The following OTUD7A variants were observed in gnomAD, a reference collection of about 807,000 sequenced individuals.
OTUD7A encodes OTU deubiquitinase 7A, also known as OTU domain-containing protein 7A.
OTUD7A carries 12 observed loss-of-function variants against 65.7 expected under a neutral mutation model. The observed-to-expected ratio is 0.18, with a 90% CI of 0.12 to 0.30. The LOEUF (loss-of-function observed/expected upper bound fraction) is 0.30, where lower values mean the gene tolerates loss of function less well. Among genes scored for constraint, OTUD7A ranks in the 10% least tolerant of loss-of-function variants. The pLI, the probability that OTUD7A is intolerant of heterozygous loss-of-function variation, is 1.00. For missense variants in OTUD7A, 1,148 were observed against 1,304.8 expected, an observed-to-expected ratio of 0.88 and a Z score of 1.85; for synonymous variants, 641 against 586.3, an observed-to-expected ratio of 1.09 and a Z score of -1.35.
At position 31,511,141 on chromosome 15, in the gene OTUD7A, T is replaced by C. The variant is rs188146367; in HGVS notation, c.894-7323A>G. 5.7e-3 allele frequency among the ~76,000 whole-genome samples: 114 copies of C among 20,018 alleles called. 30 individuals carry two copies. The highest frequency in any genetic ancestry group is 0.013 in the South Asian group (13 of 1,028). The allele number at this position is 20,018 out of a possible 152,430, so 13.1% of individuals were successfully genotyped here. On this transcript the variant is annotated intron_variant, in intron 8 of 12. Coordinates refer to ENST00000307050, the MANE Select transcript of OTUD7A (RefSeq NM_001382637.1). ...TACATATGTATATCTATATGTAACA[T>C]ACATATGTATATCTATATGTAACAT...
At chr15:31,647,415 C>T (rs1046526510) in intron 3 of OTUD7A, among the ~76,000 whole-genome samples, 1 of 152,346 alleles carries the variant, frequency 6.6e-6, no homozygotes, top group South Asian at 2.1e-4. Flanking sequence ...CAACCAAACA[C>T]AAGCTGCAGC....
chr15:31,770,753 T>C (rs763563826), intron 1 of OTUD7A, among the ~76,000 whole-genome samples: 3 of 152,216 alleles, frequency 2.0e-5, no homozygotes, highest in Non-Finnish European at 2.9e-5. Context: ...TGGTTTATCA[T>C]TAGAAAATAA....
intron 5 of OTUD7A, among the ~76,000 whole-genome samples, chr15:31,545,057 A>G (rs1333400662): frequency 6.6e-6 from 1 of 152,088 alleles, no homozygotes; most frequent in Non-Finnish European, 1.5e-5. Flanking sequence ...AGGAAAAATT[A>G]TAATAAGTAT....
chr15:31,786,987 A>G (rs1288811599), intron 1 of OTUD7A, among the ~76,000 whole-genome samples: 1 of 152,176 alleles, frequency 6.6e-6, no homozygotes, highest in Non-Finnish European at 1.5e-5. Context: ...AGCTCTAGGT[A>G]TGTTTTGGGC....
chr15:31,596,441 C>T (rs549417357), intron 3 of OTUD7A, among the ~76,000 whole-genome samples: 3 of 152,308 alleles, frequency 2.0e-5, no homozygotes, highest in South Asian at 4.1e-4. Flanking sequence ...AAAGCTGCTA[C>T]GAACATTCCA....
intron 1 of OTUD7A, among the ~76,000 whole-genome samples, chr15:31,798,009 G>A (rs546504423): frequency 7.2e-5 from 11 of 152,196 alleles, no homozygotes; most frequent in East Asian, 1.9e-4. Context: ...TTTTCACTGC[G>A]TCTTCACATG....
At chr15:31,527,907 C>A (rs2042035858) in intron 6 of OTUD7A, among the ~76,000 whole-genome samples, 1 of 152,242 alleles carries the variant, frequency 6.6e-6, no homozygotes, top group Non-Finnish European at 1.5e-5. Context: ...CCAGCCATCT[C>A]TGAGAATGTG....
At chr15:31,695,809 G>C (rs1893066905) in intron 1 of OTUD7A, among the ~76,000 whole-genome samples, 1 of 150,686 alleles carries the variant, frequency 6.6e-6, no homozygotes, top group Non-Finnish European at 1.5e-5. Flanking sequence ...GGAGATACTT[G>C]GCTTGGGCCT....
chr15:31,491,795 A>G (rs2041320049), intron 10 of OTUD7A, among the ~76,000 whole-genome samples: 1 of 152,214 alleles, frequency 6.6e-6, no homozygotes, highest in Non-Finnish European at 1.5e-5. Context: ...AGAAAAACAA[A>G]GGTACAAATT....
chr15:31,772,245 C>T (rs1895257717), intron 1 of OTUD7A, among the ~76,000 whole-genome samples: 1 of 140,936 alleles, frequency 7.1e-6, no homozygotes, highest in Non-Finnish European at 1.5e-5. Context: ...GAGCGAGACT[C>T]CGTCTCAAAA....
chr15:31,632,259 G>A (rs1484305694), intron 3 of OTUD7A, among the ~76,000 whole-genome samples: 8 of 152,190 alleles, frequency 5.3e-5, no homozygotes, highest in African/African-American at 1.9e-4. Flanking sequence ...ACGTACAGAA[G>A]GGTTTTTGGT....
chr15:31,774,430 T>A (rs541863440), intron 1 of OTUD7A, among the ~76,000 whole-genome samples: 97 of 152,336 alleles, frequency 6.4e-4, no homozygotes, highest in African/African-American at 2.3e-3. Flanking sequence ...AATACTGTCC[T>A]CTATGGAGGA....
chr15:31,656,372 C>T (rs1469424957), intron 2 of OTUD7A, among the ~76,000 whole-genome samples: 1 of 152,190 alleles, frequency 6.6e-6, no homozygotes. Flanking sequence ...TGGTCTGCCA[C>T]CCATTTTTGT....
intron 1 of OTUD7A, among the ~76,000 whole-genome samples, chr15:31,847,259 C>T (rs969334455): frequency 6.6e-6 from 1 of 152,194 alleles, no homozygotes; most frequent in African/African-American, 2.4e-5. Flanking sequence ...TCCCAACATG[C>T]AGGAGGGCAG....
At chr15:31,543,718 T>C (rs1888050106) in intron 5 of OTUD7A, among the ~76,000 whole-genome samples, 1 of 151,916 alleles carries the variant, frequency 6.6e-6, no homozygotes, top group Non-Finnish European at 1.5e-5. Context: ...TTAATTGCTG[T>C]ATTCAATAAC....
chr15:31,760,609 G>A (rs1894934536), intron 1 of OTUD7A, among the ~76,000 whole-genome samples: 1 of 152,146 alleles, frequency 6.6e-6, no homozygotes, highest in Admixed American at 6.5e-5. Context: ...AAAATGCAAT[G>A]TTGCTAAGAT....
chr15:31,692,884 T>G (rs1892988142), intron 1 of OTUD7A, among the ~76,000 whole-genome samples: 1 of 148,974 alleles, frequency 6.7e-6, no homozygotes, highest in Admixed American at 6.6e-5. Context: ...GCTGAAAGAA[T>G]GAAGGATGCC....
At chr15:31,714,233 G>A (rs1893524218) in intron 1 of OTUD7A, among the ~76,000 whole-genome samples, 1 of 152,008 alleles carries the variant, frequency 6.6e-6, no homozygotes, top group Non-Finnish European at 1.5e-5. Context: ...TGGATCCACT[G>A]GACAATTGGA....
chr15:31,843,200 G>A lies in OTUD7A; in HGVS notation c.-100+27307C>T, dbSNP rs143673573. On this transcript the variant is annotated intron_variant, in intron 1 of 12. Coordinates refer to ENST00000307050, the MANE Select transcript of OTUD7A (RefSeq NM_001382637.1). ...AATTCCCTAGGAAGGTGGCCTGGAC[G>A]CTGGGAACAGTTACCTCCCCAACTT... Among the ~76,000 whole-genome samples, 37 of 152,104 alleles carry A rather than the reference G, an allele frequency of 2.4e-4. No homozygotes were observed. In the East Asian group the frequency reaches 6.8e-3, roughly 28 times the overall value.
Sources: allele counts gnomAD v4.1 joint callset (sites outside exome capture counted in the v4.1 genomes callset), GRCh38; gene constraint gnomAD v4.1.1; transcripts MANE v1.5; gene names NCBI Gene and HGNC (gene_info 2026-07-23, HGNC 2026-07-21).